P2RX2: variants seen among roughly 807,000 people sequenced by gnomAD.
P2RX2 encodes the protein P2X purinoceptor 2.
Under a neutral mutation model 54.8 loss-of-function variants are expected in P2RX2, and 50 were observed. That is an observed-to-expected ratio of 0.91 (90% CI 0.73 to 1.15). The LOEUF (loss-of-function observed/expected upper bound fraction) is 1.15, where lower values mean the gene tolerates loss of function less well. P2RX2 is among the 50% of genes most tolerant of loss of function. The probability of loss-of-function intolerance (pLI) is 0.00; values close to 1 mark genes in which losing one functional copy is unlikely to be tolerated. For missense variants in P2RX2, 658 were observed against 633.2 expected, an observed-to-expected ratio of 1.04 and a Z score of -0.42; for synonymous variants, 289 against 259.4, an observed-to-expected ratio of 1.11 and a Z score of -1.09.
At position 132,621,826 on chromosome 12, in the gene P2RX2, C is replaced by T. The variant is rs760228414; in HGVS notation, c.1270C>T (p.Gln424Ter). 20 of 1,610,466 alleles carry T rather than the reference C, an allele frequency of 1.2e-5. No individual in the cohort carries two copies. The highest frequency in any genetic ancestry group is 1.5e-5 in the Non-Finnish European group (18 of 1,178,262). Reference sequence around the variant, plus strand: ...CAGCCCTCCATCAGGCCAGGAGGGCCAACAAGGGGCAGAGTGTGGCCCAGC... The same window carrying T: ...CAGCCCTCCATCAGGCCAGGAGGGCTAACAAGGGGCAGAGTGTGGCCCAGC... ...HPSPPSGQEG[Q>*]QGAECGPAFP... Residue 424 changes from glutamine (Q) to a stop codon, truncating the protein, a stop_gained, in exon 11 of 11, where the codon CAA (glutamine) becomes TAA (stop). Coordinates refer to ENST00000643471, the MANE Select transcript of P2RX2 (RefSeq NM_170682.4). LOFTEE classifies it high-confidence loss of function.
rs970612038 is a variant in P2RX2 at position 132,621,325 on chromosome 12, G to T, written c.976G>T (p.Asp326Tyr). ...CATCAAGGCCTACGGGATCCGCATT[G>T]ACGTCATTGTGCATGGACAGGTGCC... ...TLIKAYGIRI[D>Y]VIVHGQAGKF... Residue 326 changes from aspartate (D) to tyrosine (Y), a missense_variant, in exon 9 of 11, where the codon GAC becomes TAC. By Grantham distance (160) the Asp-to-Tyr change is radical. Transcript: ENST00000643471. The T allele has an allele frequency of 6.2e-7, 1 of 1,614,016 alleles. No homozygotes were observed. Among genetic ancestry groups the T allele is most frequent in the South Asian group, 1.1e-5 (1 of 91,078 alleles).
Position 132,619,759 on chromosome 12 carries a change from A to T in P2RX2, c.381+9A>T, listed in dbSNP as rs1376230246. On this transcript the variant is annotated intron_variant, in intron 3 of 10. Transcript: ENST00000643471. ...AGGGAACCTGCCCCGAGGTGAGGGGATCCCGCGGCGCTGGGGGACCCCGCC... is the reference window on the plus strand; with the variant it reads ...AGGGAACCTGCCCCGAGGTGAGGGGTTCCCGCGGCGCTGGGGGACCCCGCC... 3 of 1,609,876 alleles carry T rather than the reference A, an allele frequency of 1.9e-6. No individual in the cohort carries two copies. In the East Asian group the frequency reaches 6.7e-5, roughly 36 times the overall value.
rs758471408 is a variant in P2RX2 at position 132,621,163 on chromosome 12, G to A, written c.905+32G>A. The stretch of plus-strand genomic sequence containing the variant: ...TACTTGGGACACCGCTGTCCACACT[G>A]GCATAGCTGTGGTGGGGTCCCGAGA... On this transcript the variant is annotated intron_variant, in intron 8 of 10. Transcript: ENST00000643471. The A allele has an allele frequency of 2.5e-6, 4 of 1,614,012 alleles. 1 individual carries two copies. The South Asian group carries it at 4.4e-5, about 18-fold the overall frequency.
rs775445694 is a variant in P2RX2, at chr12:132,620,230, G to T, written c.555-37G>T. On this transcript the variant is annotated intron_variant, in intron 5 of 10. Coordinates refer to ENST00000643471, the MANE Select transcript of P2RX2 (RefSeq NM_170682.4). ...CCAATGCCAGGCGGGGGCTTTGCGGGAAGAGGGGACTAAACAACCCTTCTG... is the reference window on the plus strand; with the variant it reads ...CCAATGCCAGGCGGGGGCTTTGCGGTAAGAGGGGACTAAACAACCCTTCTG... 5 of 1,584,284 alleles carry T rather than the reference G, an allele frequency of 3.2e-6. No individual in the cohort carries two copies. The African/African-American group carries it at 6.7e-5, about 21-fold the overall frequency.
chr12:132,620,878 CGGG>C, intron 7 of P2RX2, 120 bp from the exon 8 acceptor site: 12 of 885,990 alleles, frequency 1.4e-5, no homozygotes, highest in South Asian at 5.1e-5. Context: ...GGGACTGACC[CGGG>C]CTCTCGAGGG....
rs1555298024 is a variant in P2RX2 at position 132,619,226 on chromosome 12, C to CTGGGGCTGGGACCAGGGGCGCTGGGCA, written c.174-213_174-212insTGGGGCTGGGACCAGGGGCGCTGGGCA. ...GACTCGGGGTGCTGGGCTGGAGGCG[C>CTGGGGCTGGGACCAGGGGCGCTGGGCA]GGGGCTGGGGCTGGGACCAGGGGCG... On this transcript the variant is annotated intron_variant, in intron 1 of 10. Transcript: ENST00000643471. 6.2e-4 allele frequency among the ~76,000 whole-genome samples: 26 copies of CTGGGGCTGGGACCAGGGGCGCTGGGCA among 42,250 alleles called. No homozygotes were observed. The Admixed American group carries it at 6.6e-3, about 11-fold the overall frequency. The allele number at this position is 42,250 out of a possible 152,430, so 27.7% of individuals were successfully genotyped here.
Position 132,621,788 on chromosome 12 carries a change from A to C in P2RX2, c.1232A>C (p.Glu411Ala). 1 of 1,602,114 alleles carries C rather than the reference A, an allele frequency of 6.2e-7. No individual in the cohort carries two copies. Among genetic ancestry groups the C allele is most frequent in the South Asian group, 1.1e-5 (1 of 89,522 alleles). ...QAPPEPGHRS[E>A]DQHPSPPSGQ... The stretch of plus-strand genomic sequence containing the variant: ...CCTCCCGAACCCGGCCACCGCTCCG[A>C]GGACCAGCACCCCAGCCCTCCATCA... Residue 411 changes from glutamate to alanine, a missense_variant, in exon 11 of 11, where the codon GAG becomes GCG. Transcript: ENST00000643471.
At chr12:132,621,215 G>C (rs1443356517) in intron 8 of P2RX2, 40 bp from the exon 9 acceptor site, 1 of 1,613,978 alleles carries the variant, frequency 6.2e-7, no homozygotes, top group Non-Finnish European at 8.5e-7. Flanking sequence ...GGCAGCCCTG[G>C]AGTGCAGAGG....
chr12:132,621,743 C>T lies in P2RX2; in HGVS notation c.1187C>T (p.Ala396Val). Residue 396 changes from alanine (A) to valine (V), a missense_variant, in exon 11 of 11, where the codon GCC becomes GTC. By Grantham distance (64) the Ala-to-Val change is moderately conservative. Coordinates refer to ENST00000643471, the MANE Select transcript of P2RX2 (RefSeq NM_170682.4). ...HPSGSWPVTL[A>V]RVLGQAPPEP... ...TCAGGTAGCTGGCCTGTGACCCTTG[C>T]CCGTGTATTGGGCCAGGCCCCTCCC... 1.2e-6 allele frequency: 2 copies of T among 1,608,774 alleles called. No homozygotes were observed. Among genetic ancestry groups the T allele is most frequent in the Non-Finnish European group, 8.5e-7 (1 of 1,177,098 alleles).
rs751711021 is a variant in P2RX2, at chr12:132,620,396, G to C, written c.635+49G>C. On this transcript the variant is annotated intron_variant, in intron 6 of 10. Coordinates refer to ENST00000643471, the MANE Select transcript of P2RX2 (RefSeq NM_170682.4). ...CGGCCCAGCCTGAGGGCTGCCTTCT[G>C]GGAATGGGGTATTTGGGGTGCAGGT... 3.1e-6 allele frequency: 5 copies of C among 1,614,072 alleles called. No homozygotes were observed. In the Admixed American group the frequency reaches 6.7e-5, roughly 22 times the overall value.
In P2RX2 at chr12:132,620,900, TG is replaced by T. The variant is rs1301260007; in HGVS notation, c.775-100del. 33 of 198,558 alleles carry T rather than the reference TG, an allele frequency of 1.7e-4. 7 individuals carry two copies. In the East Asian group the frequency reaches 2.3e-3, roughly 14 times the overall value. 12.3% of individuals were successfully genotyped at this position (198,558 alleles called of 1,614,324 possible). The stretch of plus-strand genomic sequence containing the variant: ...ACCCGGGCTCTCGAGGGGCCTCTCG[TG>T]TGCCCTTGTGACCCCCTTCCCTGGC... On this transcript the variant is annotated intron_variant, in intron 7 of 10. Transcript: ENST00000643471.
intron 9 of P2RX2, 63 bp from the exon 10 acceptor site, chr12:132,621,412 C>G: frequency 6.2e-7 from 1 of 1,603,234 alleles, no homozygotes; most frequent in East Asian, 2.2e-5. Flanking sequence ...TCACGCCCCA[C>G]CCCTCCCTTA....
chr12:132,621,266 A>G lies in P2RX2; in HGVS notation c.917A>G (p.Tyr306Cys), dbSNP rs1395302805. 6.2e-7 allele frequency: 1 copy of G among 1,613,846 alleles called. No individual in the cohort carries two copies. Among genetic ancestry groups the G allele is most frequent in the Admixed American group, 1.7e-5 (1 of 59,990 alleles). ...CGTTCCCATTGCAGGTTTGCCAAAT[A>G]CTACAAGATCAATGGCACCACCACC... ...SSGYNFRFAK[Y>C]YKINGTTTRT... The change falls in exon 9 of 11, where the codon TAC becomes TGC. Residue 306 changes from tyrosine (Y) to cysteine (C), a missense_variant. Coordinates refer to ENST00000643471, the MANE Select transcript of P2RX2 (RefSeq NM_170682.4).
chr12:132,621,795 G>C lies in P2RX2; in HGVS notation c.1239G>C (p.Gln413His), dbSNP rs572316980. 12 of 1,603,172 alleles carry C rather than the reference G, an allele frequency of 7.5e-6. No homozygotes were observed. In the South Asian group the frequency reaches 1.3e-4, roughly 18 times the overall value. ...AACCCGGCCACCGCTCCGAGGACCAGCACCCCAGCCCTCCATCAGGCCAGG... is the reference window on the plus strand; with the variant it reads ...AACCCGGCCACCGCTCCGAGGACCACCACCCCAGCCCTCCATCAGGCCAGG... Reference protein sequence around the residue: ...PPEPGHRSEDQHPSPPSGQEG... With the variant: ...PPEPGHRSEDHHPSPPSGQEG... The change falls in exon 11 of 11, where the codon CAG (glutamine) becomes CAC (histidine). Residue 413 changes from glutamine (Q) to histidine (H), a missense_variant. Coordinates refer to ENST00000643471, the MANE Select transcript of P2RX2 (RefSeq NM_170682.4).
At chr12:132,620,873 TG>T in intron 7 of P2RX2, 127 bp from the exon 8 acceptor site, 7 of 971,914 alleles carry the variant, frequency 7.2e-6, no homozygotes, top group Admixed American at 2.7e-5. Context: ...AGCCTGGGAC[TG>T]ACCCGGGCTC....
At chr12:132,621,184 CGA>C (rs1315015837) in intron 8 of P2RX2, 53 bp downstream of exon 8, 2 of 1,613,880 alleles carry the variant, frequency 1.2e-6, no homozygotes, top group African/African-American at 2.7e-5. Flanking sequence ...GGTGGGGTCC[CGA>C]GAGGCCCAAT....
chr12:132,621,573 C>CG lies in P2RX2; in HGVS notation c.1062+39dup, dbSNP rs770350190. On this transcript the variant is annotated intron_variant, in intron 10 of 10. Coordinates refer to ENST00000643471, the MANE Select transcript of P2RX2 (RefSeq NM_170682.4). ...ACCCTCTCTGGGGTCCCAGCGGGTG[C>CG]GGGGGGTCCACCAGGCCCTTACACA... is the stretch of plus-strand genomic sequence containing the variant. 1.1e-5 allele frequency: 18 copies of CG among 1,600,734 alleles called. No individual in the cohort carries two copies. In the East Asian group the frequency reaches 2.7e-4, roughly 24 times the overall value.
At position 132,618,847 on chromosome 12, in the gene P2RX2, G is replaced by C. The variant is rs768809175; in HGVS notation, c.31G>C (p.Gly11Arg). MAAAQPKYPA[G>R]ATARRLARGC... The stretch of plus-strand genomic sequence containing the variant: ...CGCCGCCCAGCCCAAGTACCCCGCC[G>C]GGGCGACCGCCCGGCGCCTGGCCCG... The change falls in exon 1 of 11, where the codon GGG becomes CGG. Residue 11 changes from glycine (G) to arginine (R), a missense_variant. Gly to Arg is a moderately radical substitution (Grantham distance 125, BLOSUM62 -2). Transcript: ENST00000643471. The C allele has an allele frequency of 5.2e-6, 7 of 1,354,512 alleles. No homozygotes were observed. Among genetic ancestry groups the C allele is most frequent in the Non-Finnish European group, 6.7e-6 (7 of 1,046,840 alleles). 83.9% of individuals were successfully genotyped at this position (1,354,512 alleles called of 1,614,324 possible).
Position 132,619,530 on chromosome 12 carries a change from G to A in P2RX2, c.265G>A (p.Glu89Lys), listed in dbSNP as rs756296304. ...ITKVKGITTSEHKVWDVEEYV... is the reference protein window; with the variant it reads ...ITKVKGITTSKHKVWDVEEYV... Reference sequence around the variant, plus strand: ...CAAGGTCAAGGGGATCACCACGTCCGAGCACAAAGTGTGGGACGTGGAGGA... The same window carrying A: ...CAAGGTCAAGGGGATCACCACGTCCAAGCACAAAGTGTGGGACGTGGAGGA... The change falls in exon 2 of 11, where the codon GAG (glutamate) becomes AAG (lysine). Residue 89 changes from glutamate to lysine, a missense_variant. Physicochemically the swap from Glu to Lys is moderately conservative, Grantham distance 56. Transcript: ENST00000643471. 1.3e-5 allele frequency: 21 copies of A among 1,612,394 alleles called. No individual in the cohort carries two copies. The highest frequency in any genetic ancestry group is 1.8e-5 in the Non-Finnish European group (21 of 1,179,336).
Sources: gnomAD v4.1 joint callset for allele counts (sites outside exome capture counted in the v4.1 genomes callset) on GRCh38, gnomAD v4.1.1 for gene constraint, MANE v1.5 for transcripts, NCBI Gene and HGNC (gene_info 2026-07-23, HGNC 2026-07-21) for gene names.